PCDH11X: variants seen among roughly 807,000 people sequenced by gnomAD.
The protein encoded by PCDH11X is protocadherin-11 X-linked.
In PCDH11X, 18 loss-of-function variants were observed where a neutral mutation model predicts 53.3. That is an observed-to-expected ratio of 0.34 (90% confidence interval 0.23 to 0.50). The LOEUF (loss-of-function observed/expected upper bound fraction) is 0.50, where lower values mean the gene tolerates loss of function less well. PCDH11X is among the 20% of genes least tolerant of loss of function. The probability of loss-of-function intolerance (pLI) is 0.98; values close to 1 mark genes in which losing one functional copy is unlikely to be tolerated. For synonymous variants in PCDH11X, 279 were observed against 393.3 expected, an observed-to-expected ratio of 0.71 and a Z score of 3.44; for missense variants, 570 against 1,032.4, an observed-to-expected ratio of 0.55 and a Z score of 6.14.
intron 4 of PCDH11X, chrX:91,834,673 A>G (rs927079327): frequency 9.1e-6 from 1 of 110,150 alleles, no homozygotes; most frequent in African/African-American, 3.4e-5. Flanking sequence ...GTGGTCCAGT[A>G]CCTCCAAAGA....
chrX:92,325,366 A>T (rs1331522784), intron 8 of PCDH11X, among the ~76,000 whole-genome samples: 1 of 111,036 alleles, frequency 9.0e-6, no homozygotes, highest in African/African-American at 3.3e-5. Flanking sequence ...TCCAGACATT[A>T]TATATACATT....
At chrX:92,335,783 G>T (rs1224400857) in intron 8 of PCDH11X, among the ~76,000 whole-genome samples, 1 of 111,749 alleles carries the variant, frequency 8.9e-6, no homozygotes, top group Non-Finnish European at 1.9e-5. Flanking sequence ...TTAATTTCTA[G>T]CCAGTATCAT....
At position 92,374,988 on chromosome X, in the gene PCDH11X, G is replaced by T. The variant is rs181930041; in HGVS notation, c.3145-12747G>T. ...ATGAATATATGGATAAGCAAACTTAGATGTGATTTCTTCATAATACATTGG... is the reference window on the plus strand; with the variant it reads ...ATGAATATATGGATAAGCAAACTTATATGTGATTTCTTCATAATACATTGG... On this transcript the variant is annotated intron_variant, in intron 8 of 10. Transcript: ENST00000682573. Among the ~76,000 whole-genome samples the T allele has an allele frequency of 9.4e-3, 990 of 105,651 alleles. 11 individuals are homozygous for T. Among genetic ancestry groups the T allele is most frequent in the African/African-American group, 0.031 (902 of 28,999 alleles). The allele number at this position is 105,651 out of a possible 115,157, so 91.7% of individuals were successfully genotyped here.
intron 10 of PCDH11X, among the ~76,000 whole-genome samples, chrX:92,535,547 T>C (rs1205267725): frequency 9.0e-6 from 1 of 110,968 alleles, no homozygotes; most frequent in East Asian, 2.9e-4. Context: ...AGGAGGGAGA[T>C]GATTAGGAAA....
At chrX:91,962,894 C>G (rs760647756) in intron 6 of PCDH11X, among the ~76,000 whole-genome samples, 89 of 111,340 alleles carry the variant, frequency 8.0e-4, no homozygotes, top group African/African-American at 2.7e-3. Context: ...ACAGCCTGAG[C>G]TATATATTGG....
At chrX:92,034,598 T>G (rs2063101289) in intron 6 of PCDH11X, among the ~76,000 whole-genome samples, 1 of 108,355 alleles carries the variant, frequency 9.2e-6, no homozygotes, top group African/African-American at 3.4e-5. Flanking sequence ...CAGAATATCT[T>G]TTTTCATTTT....
rs2073195293 is a variant in PCDH11X, at chrX:92,468,286, A to C, written c.3344-13A>C. On this transcript the variant is annotated splice_polypyrimidine_tract_variant and intron_variant, in intron 9 of 10. Coordinates refer to ENST00000682573, the MANE Select transcript of PCDH11X (RefSeq NM_032968.5). Reference sequence around the variant, plus strand: ...TATTTATTGTGTTTAACTTTATTAAAATTTCTTTTTAGCTTTCATACCTGG... The same window carrying C: ...TATTTATTGTGTTTAACTTTATTAACATTTCTTTTTAGCTTTCATACCTGG... The C allele has an allele frequency of 8.9e-7, 1 of 1,128,246 alleles. No homozygotes were observed. Among genetic ancestry groups the C allele is most frequent in the African/African-American group, 1.9e-5 (1 of 53,916 alleles). 93.0% of individuals were successfully genotyped at this position (1,128,246 alleles called of 1,213,427 possible).
chrX:92,374,101 A>G (rs1315469864), intron 8 of PCDH11X, among the ~76,000 whole-genome samples: 1 of 107,440 alleles, frequency 9.3e-6, no homozygotes, highest in Admixed American at 1.0e-4. Context: ...ATTATATTTA[A>G]TGAAGTGACT....
At chrX:92,208,218 A>C (rs1053624984) in intron 7 of PCDH11X, among the ~76,000 whole-genome samples, 99 of 89,127 alleles carry the variant, frequency 1.1e-3, no homozygotes, top group African/African-American at 3.8e-3. Flanking sequence ...AAAAAAAAAA[A>C]CTTTTCTTTA....
chrX:92,490,746 G>GAA (rs765907641), intron 10 of PCDH11X, among the ~76,000 whole-genome samples: 1 of 95,525 alleles, frequency 1.0e-5, no homozygotes, highest in African/African-American at 4.1e-5. Flanking sequence ...GAGAGAAAGA[G>GAA]AGAAAGAAAG....
intron 5 of PCDH11X, among the ~76,000 whole-genome samples, chrX:91,847,227 A>G (rs1366176768): frequency 9.0e-6 from 1 of 110,667 alleles, no homozygotes; most frequent in East Asian, 2.8e-4. Flanking sequence ...TTGCACAGGC[A>G]CAATCATGGC....
intron 6 of PCDH11X, among the ~76,000 whole-genome samples, chrX:92,063,868 G>T (rs1569335314): frequency 9.2e-6 from 1 of 109,066 alleles, no homozygotes; most frequent in Non-Finnish European, 1.9e-5. Flanking sequence ...TGGGAGGCAG[G>T]TATTGGGCCC....
intron 8 of PCDH11X, among the ~76,000 whole-genome samples, chrX:92,333,092 G>T (rs1190976532): frequency 9.2e-6 from 1 of 109,214 alleles, no homozygotes; most frequent in Non-Finnish European, 1.9e-5. Flanking sequence ...CCTTATTTTT[G>T]CTAAAAACTA....
chrX:92,359,765 A>G (rs1426235242), intron 8 of PCDH11X, among the ~76,000 whole-genome samples: 2 of 110,872 alleles, frequency 1.8e-5, no homozygotes, highest in East Asian at 2.9e-4. Flanking sequence ...ATTACCTAAG[A>G]GCATCATATA....
chrX:92,424,184 G>GT (rs10542503), intron 9 of PCDH11X, among the ~76,000 whole-genome samples: 16,802 of 76,252 alleles, frequency 0.22, 3,272 homozygotes, highest in Non-Finnish European at 0.33. Context: ...ATTGGCAAAT[G>GT]TTTTTTTTTT....
At chrX:92,077,969 G>A (rs1003733158) in intron 6 of PCDH11X, among the ~76,000 whole-genome samples, 14 of 109,657 alleles carry the variant, frequency 1.3e-4, no homozygotes, top group Admixed American at 1.3e-3. Context: ...TGAGTGTCTC[G>A]GTAGGGAAAA....
chrX:92,475,033 C>T (rs1458978525), intron 10 of PCDH11X, among the ~76,000 whole-genome samples: 17 of 102,157 alleles, frequency 1.7e-4, no homozygotes, highest in Non-Finnish European at 3.0e-4. Flanking sequence ...GGCGTAGTGG[C>T]GGGCGCCTGT....
intron 7 of PCDH11X, among the ~76,000 whole-genome samples, chrX:92,262,033 GC>G (rs1367085118): frequency 1.8e-5 from 2 of 110,984 alleles, no homozygotes; most frequent in Admixed American, 1.9e-4. Context: ...ATAGGTTTGT[GC>G]CTATATCTGA....
At chrX:92,561,207 C>G (rs1396510539) in intron 10 of PCDH11X, among the ~76,000 whole-genome samples, 17 of 106,755 alleles carry the variant, frequency 1.6e-4, no homozygotes, top group African/African-American at 5.5e-4. Context: ...GCTGTGAAAA[C>G]TACAATAAAT....
Sources: gnomAD v4.1 joint callset for allele counts (sites outside exome capture counted in the v4.1 genomes callset) on GRCh38, gnomAD v4.1.1 for gene constraint, MANE v1.5 for transcripts, NCBI Gene and HGNC (gene_info 2026-07-23, HGNC 2026-07-21) for gene names.